FMN1: variants seen among roughly 807,000 people sequenced by gnomAD.
FMN1 encodes the protein formin 1.
Under a neutral mutation model 132.4 loss-of-function variants are expected in FMN1, and 110 were observed. The ratio of observed to expected loss-of-function variants is 0.83; its 90% CI spans 0.71 to 0.97. The LOEUF (loss-of-function observed/expected upper bound fraction) is 0.97, where lower values mean the gene tolerates loss of function less well. FMN1 is among the 50% of genes least tolerant of loss of function. The pLI, the probability that FMN1 is intolerant of heterozygous loss-of-function variation, is 0.00. For synonymous variants in FMN1, 722 were observed against 651.7 expected, an observed-to-expected ratio of 1.11 and a Z score of -1.64; for missense variants, 1,792 against 1,705.3, an observed-to-expected ratio of 1.05 and a Z score of -0.90.
chr15:32,994,882 G>A (rs1003055368), intron 7 of FMN1, among the ~76,000 whole-genome samples: 1 of 152,144 alleles, frequency 6.6e-6, no homozygotes, highest in Non-Finnish European at 1.5e-5. Context: ...GGACTTATGT[G>A]CACTTTGCTG....
chr15:32,932,524 T>C (rs2061147698), intron 9 of FMN1, among the ~76,000 whole-genome samples: 1 of 152,228 alleles, frequency 6.6e-6, no homozygotes. Context: ...AAAATGAATT[T>C]GGAAGGGTGA....
chr15:32,984,534 A>G (rs1052264474), intron 7 of FMN1, among the ~76,000 whole-genome samples: 3 of 152,180 alleles, frequency 2.0e-5, no homozygotes, highest in South Asian at 4.1e-4. Context: ...AACTCAGAAG[A>G]AACTTCACAA....
chr15:33,012,444 T>C lies in FMN1; in HGVS notation c.2162-4369A>G, dbSNP rs1188927002. On this transcript the variant is annotated intron_variant, in intron 6 of 20. Transcript: ENST00000616417. Reference sequence around the variant, plus strand: ...CAACTGTGAAAAAGACATTTGTTGCTGGCATTAAAGAAGACACAGAAGAAC... The same window carrying C: ...CAACTGTGAAAAAGACATTTGTTGCCGGCATTAAAGAAGACACAGAAGAAC... The C allele has an allele frequency of 5.0e-6, 5 of 1,004,168 alleles. No individual in the cohort carries two copies. In the African/African-American group the frequency reaches 6.3e-5, roughly 13 times the overall value. 62.2% of individuals were successfully genotyped at this position (1,004,168 alleles called of 1,614,324 possible).
intron 17 of FMN1, among the ~76,000 whole-genome samples, chr15:32,832,288 G>A (rs1231060896): frequency 6.6e-6 from 1 of 152,174 alleles, no homozygotes; most frequent in African/African-American, 2.4e-5. Flanking sequence ...TGAATTCCAA[G>A]TCTAGGGGTT....
intron 7 of FMN1, among the ~76,000 whole-genome samples, chr15:33,003,081 A>G (rs554981312): frequency 1.8e-4 from 27 of 151,906 alleles, no homozygotes; most frequent in Admixed American, 1.6e-3. Context: ...AGTAAGAGCT[A>G]TCTATCAATA....
intron 9 of FMN1, among the ~76,000 whole-genome samples, chr15:32,936,522 T>C (rs2061275085): frequency 1.3e-5 from 2 of 152,172 alleles, no homozygotes; most frequent in African/African-American, 4.8e-5. Flanking sequence ...GGTACTGCAG[T>C]TTCTCTGGAG....
chr15:32,977,488 T>G (rs2032304944), intron 7 of FMN1, among the ~76,000 whole-genome samples: 1 of 152,232 alleles, frequency 6.6e-6, no homozygotes, highest in African/African-American at 2.4e-5. Context: ...AGCATTGGGT[T>G]CAAAGACTTG....
chr15:33,136,081 ATGGAGCTGTGTTCACTAC>A (rs1284965870), intron 4 of FMN1, among the ~76,000 whole-genome samples: 1 of 152,274 alleles, frequency 6.6e-6, no homozygotes, highest in Non-Finnish European at 1.5e-5. Context: ...AATCAGAATG[ATGGAGCTGTGTTCACTAC>A]TTAAGTTCAG....
intron 19 of FMN1, among the ~76,000 whole-genome samples, chr15:32,780,076 T>C (rs527644519): frequency 6.6e-6 from 1 of 152,180 alleles, no homozygotes; most frequent in Non-Finnish European, 1.5e-5. Flanking sequence ...CTGTGTGCCT[T>C]ATTTCCTAAA....
intron 9 of FMN1, among the ~76,000 whole-genome samples, chr15:32,953,604 T>G (rs1432951011): frequency 1.3e-5 from 2 of 152,182 alleles, no homozygotes; most frequent in Non-Finnish European, 2.9e-5. Context: ...GCCATAGCAC[T>G]GGGGTCCAGC....
At chr15:32,863,994 A>T (rs1438680233) in intron 16 of FMN1, among the ~76,000 whole-genome samples, 1 of 152,222 alleles carries the variant, frequency 6.6e-6, no homozygotes, top group East Asian at 1.9e-4. Flanking sequence ...CAATGCATGG[A>T]CTTCTATGAA....
At chr15:32,796,808 T>C (rs1264156925) in intron 19 of FMN1, among the ~76,000 whole-genome samples, 2 of 152,230 alleles carry the variant, frequency 1.3e-5, no homozygotes, top group Non-Finnish European at 2.9e-5. Context: ...CTAATATTTC[T>C]TAACACACAG....
At chr15:33,124,787 TTTC>T (rs1220492109) in intron 4 of FMN1, among the ~76,000 whole-genome samples, 1 of 152,036 alleles carries the variant, frequency 6.6e-6, no homozygotes, top group Non-Finnish European at 1.5e-5. Flanking sequence ...TGGATTTTGT[TTTC>T]TTTTTTGCAT....
At chr15:33,018,342 C>T (rs1050483589) in intron 6 of FMN1, among the ~76,000 whole-genome samples, 1 of 152,002 alleles carries the variant, frequency 6.6e-6, no homozygotes, top group African/African-American at 2.4e-5. Context: ...GGGGGCAGGA[C>T]ACCTGAAAGA....
chr15:32,888,360 C>G, intron 15 of FMN1, 68 bp from the exon 16 acceptor site: 1 of 1,384,662 alleles, frequency 7.2e-7, no homozygotes, highest in Non-Finnish European at 9.7e-7. Flanking sequence ...AATTCCAAAG[C>G]ATCAATGAGA....
chr15:32,984,063 G>A (rs1053006485), intron 7 of FMN1, among the ~76,000 whole-genome samples: 5 of 151,944 alleles, frequency 3.3e-5, no homozygotes, highest in South Asian at 2.1e-4. Context: ...GTTTTCTACC[G>A]CATTATACTT....
intron 9 of FMN1, among the ~76,000 whole-genome samples, chr15:32,928,539 A>T (rs1043841290): frequency 6.6e-5 from 10 of 152,194 alleles, no homozygotes; most frequent in Non-Finnish European, 8.8e-5. Flanking sequence ...TGCGGAGGTG[A>T]CTGAGACAGA....
chr15:33,067,928 TCTC>T, intron 5 of FMN1: 2 of 1,553,012 alleles, frequency 1.3e-6, no homozygotes, highest in Non-Finnish European at 8.6e-7. Context: ...TGTGTTACCT[TCTC>T]CTGCGCTCTC....
At chr15:32,800,874 T>C (rs2057454923) in intron 18 of FMN1, among the ~76,000 whole-genome samples, 1 of 152,242 alleles carries the variant, frequency 6.6e-6, no homozygotes, top group African/African-American at 2.4e-5. Flanking sequence ...GTATCACACA[T>C]AACATGCATT....
Sources: gnomAD v4.1 joint callset for allele counts (sites outside exome capture counted in the v4.1 genomes callset) on GRCh38, gnomAD v4.1.1 for gene constraint, MANE v1.5 for transcripts, NCBI Gene and HGNC (gene_info 2026-07-23, HGNC 2026-07-21) for gene names.